The following MYT1L variants were observed in gnomAD, a reference collection of about 807,000 sequenced individuals.
MYT1L encodes the protein myelin transcription factor 1-like protein.
MYT1L carries 12 observed loss-of-function variants against 126.7 expected under a neutral mutation model. That is an observed-to-expected ratio of 0.09 (90% CI 0.06 to 0.15). The LOEUF is 0.15. MYT1L is among the 10% of genes least tolerant of loss of function. MYT1L has a pLI of 1.00. For missense variants in MYT1L, 979 were observed against 1,585.2 expected, an observed-to-expected ratio of 0.62 and a Z score of 6.49; for synonymous variants, 541 against 604.2, an observed-to-expected ratio of 0.90 and a Z score of 1.53.
chr2:2,188,407 G>A (rs1335555572), intron 2 of MYT1L, among the ~76,000 whole-genome samples: 1 of 152,242 alleles, frequency 6.6e-6, no homozygotes, highest in Non-Finnish European at 1.5e-5. Context: ...GCTGAGCTTT[G>A]ATGGATGCAC....
chr2:2,267,413 C>T (rs188266189), intron 2 of MYT1L, among the ~76,000 whole-genome samples: 18 of 152,158 alleles, frequency 1.2e-4, no homozygotes, highest in Admixed American at 3.3e-4. Flanking sequence ...CACATGAAGG[C>T]GTCAAAGTGC....
chr2:2,082,731 C>T (rs923216417), intron 3 of MYT1L, among the ~76,000 whole-genome samples: 3 of 152,220 alleles, frequency 2.0e-5, no homozygotes, highest in Middle Eastern at 3.4e-3. Flanking sequence ...ATAAACCCTT[C>T]GGAAAACAAG....
chr2:2,021,784 C>A (rs1196741913), intron 4 of MYT1L, among the ~76,000 whole-genome samples: 1 of 152,112 alleles, frequency 6.6e-6, no homozygotes, highest in Non-Finnish European at 1.5e-5. Context: ...GTACTCCCAG[C>A]TACTCAGGAG....
chr2:2,182,375 G>A (rs2091633256), intron 2 of MYT1L, among the ~76,000 whole-genome samples: 1 of 152,094 alleles, frequency 6.6e-6, no homozygotes, highest in Admixed American at 6.6e-5. Context: ...AAATGATTCT[G>A]GGCTAGCTGA....
intron 3 of MYT1L, among the ~76,000 whole-genome samples, chr2:2,152,250 G>A (rs78913191): frequency 0.023 from 3,541 of 152,336 alleles, 74 homozygotes; most frequent in Non-Finnish European, 0.034. Flanking sequence ...CCCACAGGGC[G>A]TGCACACGCT....
At chr2:1,946,952 T>G (rs1054670246) in intron 8 of MYT1L, among the ~76,000 whole-genome samples, 1 of 152,218 alleles carries the variant, frequency 6.6e-6, no homozygotes, top group Non-Finnish European at 1.5e-5. Flanking sequence ...GATGCAGCTG[T>G]GCACGGATGG....
chr2:1,869,328 T>C (rs541069906), intron 18 of MYT1L, among the ~76,000 whole-genome samples: 1 of 152,372 alleles, frequency 6.6e-6, no homozygotes, highest in Non-Finnish European at 1.5e-5. Flanking sequence ...TCAGGGACGA[T>C]GGCGCAGCCG....
intron 3 of MYT1L, among the ~76,000 whole-genome samples, chr2:2,055,229 T>A (rs1311816662): frequency 6.6e-6 from 1 of 152,212 alleles, no homozygotes; most frequent in African/African-American, 2.4e-5. Context: ...ATACGGGATG[T>A]ATCTGCACAT....
chr2:2,226,671 A>G (rs937087771), intron 2 of MYT1L, among the ~76,000 whole-genome samples: 3 of 151,822 alleles, frequency 2.0e-5, no homozygotes, highest in African/African-American at 7.3e-5. Flanking sequence ...ACCTCTATCA[A>G]CTCATCCAGG....
chr2:2,259,302 C>T (rs1343777247), intron 2 of MYT1L, among the ~76,000 whole-genome samples: 4 of 120,094 alleles, frequency 3.3e-5, no homozygotes, highest in Non-Finnish European at 6.6e-5. Flanking sequence ...CTAGATGACA[C>T]GTTAGTGGGT....
At chr2:1,883,504 T>C (rs1385102011) in intron 18 of MYT1L, among the ~76,000 whole-genome samples, 2 of 152,238 alleles carry the variant, frequency 1.3e-5, no homozygotes, top group Non-Finnish European at 2.9e-5. Context: ...AAGAAACTTT[T>C]CTGAGAATCA....
chr2:2,131,462 G>T (rs2082340291), intron 3 of MYT1L, among the ~76,000 whole-genome samples: 2 of 152,284 alleles, frequency 1.3e-5, no homozygotes, highest in South Asian at 4.1e-4. Flanking sequence ...TTTTATTGGT[G>T]AAAGGGGCTG....
chr2:1,992,302 C>T (rs1489170627), intron 5 of MYT1L, among the ~76,000 whole-genome samples: 1 of 152,078 alleles, frequency 6.6e-6, no homozygotes, highest in Non-Finnish European at 1.5e-5. Context: ...CTAGTTTTTC[C>T]CCCTTTCCCC....
intron 3 of MYT1L, among the ~76,000 whole-genome samples, chr2:2,091,672 C>T (rs976310872): frequency 6.6e-6 from 1 of 152,078 alleles, no homozygotes; most frequent in East Asian, 1.9e-4. Flanking sequence ...TTATATTCTT[C>T]CAATATAAGG....
chr2:2,087,120 G>A (rs549030109), intron 3 of MYT1L, among the ~76,000 whole-genome samples: 18 of 152,242 alleles, frequency 1.2e-4, no homozygotes, highest in Admixed American at 3.9e-4. Flanking sequence ...GTGACACCAC[G>A]GTCAGAGCCC....
intron 18 of MYT1L, among the ~76,000 whole-genome samples, chr2:1,882,929 G>C (rs2047745003): frequency 6.6e-6 from 1 of 152,176 alleles, no homozygotes; most frequent in African/African-American, 2.4e-5. Context: ...CATGTAACCA[G>C]GTTAAAAAGA....
At chr2:2,150,529 T>C (rs2148297444) in intron 3 of MYT1L, among the ~76,000 whole-genome samples, 1 of 152,366 alleles carries the variant, frequency 6.6e-6, no homozygotes, top group East Asian at 1.9e-4. Context: ...ATCCTGGCTG[T>C]GCTGGTCTCT....
chr2:2,327,136 T>C (rs952682342), intron 1 of MYT1L: 1 of 152,238 alleles, frequency 6.6e-6, no homozygotes, highest in Non-Finnish European at 1.5e-5. Flanking sequence ...TCATATGAGT[T>C]ATGGTCACTA....
chr2:1,886,157 T>C (rs971054358), intron 18 of MYT1L: 3 of 162,404 alleles, frequency 1.8e-5, no homozygotes, highest in African/African-American at 4.8e-5. Flanking sequence ...TAAGTATCCA[T>C]ATTGTAAATA....
Sources: gnomAD v4.1 joint callset for allele counts (sites outside exome capture counted in the v4.1 genomes callset) on GRCh38, gnomAD v4.1.1 for gene constraint, MANE v1.5 for transcripts, NCBI Gene and HGNC (gene_info 2026-07-23, HGNC 2026-07-21) for gene names.